ARHGAP42: variants seen among roughly 807,000 people sequenced by gnomAD.
ARHGAP42 encodes the protein Rho GTPase activating protein 42.
In ARHGAP42, 63 loss-of-function variants were observed where a neutral mutation model predicts 125.0. The observed-to-expected ratio is 0.50, with a 90% confidence interval of 0.41 to 0.62. The LOEUF (loss-of-function observed/expected upper bound fraction) is 0.62, where lower values mean the gene tolerates loss of function less well. Ranked by LOEUF, ARHGAP42 falls within the 20% of genes least tolerant of loss-of-function variation. The pLI, the probability that ARHGAP42 is intolerant of heterozygous loss-of-function variation, is 0.00. For missense variants in ARHGAP42, 766 were observed against 1,024.2 expected (o/e 0.75, Z 3.44); for synonymous variants, 339 against 351.0 (o/e 0.97, Z 0.38).
chr11:100,822,424 TATA>T (rs1176137327), intron 3 of ARHGAP42, among the ~76,000 whole-genome samples: 1 of 152,132 alleles, frequency 6.6e-6, no homozygotes, highest in Non-Finnish European at 1.5e-5. Flanking sequence ...GGTCTCTTTC[TATA>T]ATAATAATAC....
chr11:100,724,250 T>C (rs1861815570), intron 1 of ARHGAP42, among the ~76,000 whole-genome samples: 1 of 152,182 alleles, frequency 6.6e-6, no homozygotes, highest in Non-Finnish European at 1.5e-5. Flanking sequence ...TTTATTTCTA[T>C]GTTCGTGGGA....
chr11:100,792,578 C>T (rs933372795), intron 2 of ARHGAP42, among the ~76,000 whole-genome samples: 1 of 152,200 alleles, frequency 6.6e-6, no homozygotes, highest in African/African-American at 2.4e-5. Context: ...CTGTTTTACA[C>T]ATGCCTTTCT....
intron 1 of ARHGAP42, among the ~76,000 whole-genome samples, chr11:100,696,722 GT>G (rs1861291404): frequency 6.6e-6 from 1 of 152,068 alleles, no homozygotes; most frequent in South Asian, 2.1e-4. Flanking sequence ...CTGGAGTGCA[GT>G]GGCTATTCAG....
chr11:100,842,367 T>C (rs900120913), intron 3 of ARHGAP42, among the ~76,000 whole-genome samples: 19 of 152,192 alleles, frequency 1.2e-4, no homozygotes, highest in South Asian at 2.1e-4. Context: ...CAAATAGATA[T>C]AGCAGCAACT....
intron 4 of ARHGAP42, among the ~76,000 whole-genome samples, chr11:100,868,437 A>T (rs1343014152): frequency 6.6e-6 from 1 of 152,218 alleles, no homozygotes. Flanking sequence ...TTGTAAACTT[A>T]CTTAATCCTC....
intron 1 of ARHGAP42, among the ~76,000 whole-genome samples, chr11:100,691,044 T>G (rs1228776798): frequency 2.0e-5 from 3 of 152,324 alleles, no homozygotes; most frequent in African/African-American, 7.2e-5. Context: ...CCTCTCTTAG[T>G]CCTAACTTTC....
intron 1 of ARHGAP42, among the ~76,000 whole-genome samples, chr11:100,701,179 ACC>A (rs1240802649): frequency 1.3e-5 from 2 of 151,730 alleles, no homozygotes; most frequent in Non-Finnish European, 2.9e-5. Context: ...TAGGCCTCTA[ACC>A]ACACAGCGGA....
chr11:100,856,212 T>G (rs983275282), intron 3 of ARHGAP42, among the ~76,000 whole-genome samples: 2 of 152,110 alleles, frequency 1.3e-5, no homozygotes, highest in Admixed American at 6.6e-5. Flanking sequence ...TTTTTAACTT[T>G]GCAAGGTTTG....
intron 3 of ARHGAP42, among the ~76,000 whole-genome samples, chr11:100,854,977 T>C (rs898673915): frequency 2.0e-5 from 3 of 151,424 alleles, no homozygotes; most frequent in African/African-American, 7.3e-5. Context: ...GCATCGATTA[T>C]GATCATTTCA....
chr11:100,986,235 A>G (rs1379296210), intron 22 of ARHGAP42: 1 of 366,436 alleles, frequency 2.7e-6, no homozygotes, highest in Non-Finnish European at 5.3e-6. Flanking sequence ...CTGGGCAGCT[A>G]TTTCAGAGAA....
rs115813735 is a variant in ARHGAP42 at position 100,853,891 on chromosome 11, C to A, written c.313-5663C>A. Among the ~76,000 whole-genome samples, 832 of 148,796 alleles carry A rather than the reference C, an allele frequency of 5.6e-3. 12 individuals carry two copies. Among genetic ancestry groups the A allele is most frequent in the African/African-American group, 0.019 (793 of 40,956 alleles). On this transcript the variant is annotated intron_variant, in intron 3 of 23. Coordinates refer to ENST00000298815, the MANE Select transcript of ARHGAP42 (RefSeq NM_152432.4). ...AGATTTCACTCTTATACTAAAACTC[C>A]AATAGCAGCTTCCTAATTCATTGAA...
At chr11:100,977,329 G>A (rs577598220) in intron 21 of ARHGAP42, among the ~76,000 whole-genome samples, 114 of 152,302 alleles carry the variant, frequency 7.5e-4, no homozygotes, top group African/African-American at 2.0e-3. Context: ...AGACTGCCAC[G>A]CATTGACTAT....
chr11:100,898,983 C>A (rs1428579374), intron 4 of ARHGAP42, among the ~76,000 whole-genome samples: 1 of 152,136 alleles, frequency 6.6e-6, no homozygotes, highest in African/African-American at 2.4e-5. Context: ...GCATTTAGTG[C>A]TATAAATTTC....
At chr11:100,736,415 G>C (rs377751318) in intron 1 of ARHGAP42, among the ~76,000 whole-genome samples, 10 of 152,276 alleles carry the variant, frequency 6.6e-5, no homozygotes, top group African/African-American at 2.4e-4. Flanking sequence ...GAATAAACCT[G>C]GGTTGAGAAA....
intron 17 of ARHGAP42, among the ~76,000 whole-genome samples, chr11:100,966,882 G>A (rs1858109656): frequency 6.6e-6 from 1 of 152,074 alleles, no homozygotes; most frequent in Non-Finnish European, 1.5e-5. Context: ...GTATTTAATA[G>A]GGATATTTCC....
intron 12 of ARHGAP42, among the ~76,000 whole-genome samples, chr11:100,953,105 T>G (rs1857709232): frequency 6.6e-6 from 1 of 152,194 alleles, no homozygotes; most frequent in South Asian, 2.1e-4. Flanking sequence ...CTAACCATTT[T>G]TTTGTACATC....
intron 1 of ARHGAP42, among the ~76,000 whole-genome samples, chr11:100,741,292 A>C (rs547678110): frequency 2.0e-4 from 31 of 152,278 alleles, no homozygotes; most frequent in African/African-American, 7.2e-4. Context: ...CGGCTTCCCA[A>C]AGTGCTGGGA....
chr11:100,688,523 T>C (rs1861129635), intron 1 of ARHGAP42, among the ~76,000 whole-genome samples: 3 of 152,168 alleles, frequency 2.0e-5, no homozygotes, highest in Admixed American at 6.5e-5. Flanking sequence ...TAGTCTATAA[T>C]ATAGGGCTTC....
chr11:100,903,117 G>GCGCGCACACA lies in ARHGAP42; in HGVS notation c.385-10334_385-10333insGCGCACACAC, dbSNP rs373508179. On this transcript the variant is annotated intron_variant, in intron 4 of 23. Transcript: ENST00000298815. Reference sequence around the variant, plus strand: ...TCCTCAATCTTGCTGTCCAAGATGCGCACACACACACACACACACACACAC... The same window carrying GCGCGCACACA: ...TCCTCAATCTTGCTGTCCAAGATGCGCGCGCACACACACACACACACACACACACACACAC... 7.7e-4 allele frequency among the ~76,000 whole-genome samples: 102 copies of GCGCGCACACA among 132,028 alleles called. 2 individuals carry two copies. Among genetic ancestry groups the GCGCGCACACA allele is most frequent in the South Asian group, 6.4e-3 (24 of 3,722 alleles). 86.6% of individuals were successfully genotyped at this position (132,028 alleles called of 152,430 possible). A position where few individuals can be genotyped will look rare whatever the true frequency, so the allele number is the denominator to read the frequency against.
Sources: gnomAD v4.1 joint callset for allele counts (sites outside exome capture counted in the v4.1 genomes callset) on GRCh38, gnomAD v4.1.1 for gene constraint, MANE v1.5 for transcripts, NCBI Gene and HGNC (gene_info 2026-07-23, HGNC 2026-07-21) for gene names.